The following SEC22C variants were observed in gnomAD, a reference collection of about 807,000 sequenced individuals.
SEC22C encodes the protein SEC22 homolog C, vesicle trafficking protein, also known as vesicle-trafficking protein SEC22c.
SEC22C carries 29 observed loss-of-function variants against 34.7 expected under a neutral mutation model. The ratio of observed to expected loss-of-function variants is 0.84; its 90% CI spans 0.62 to 1.14. The LOEUF (loss-of-function observed/expected upper bound fraction) is 1.14. SEC22C is among the 50% of genes most tolerant of loss of function. The pLI is 0.00. For missense variants in SEC22C, 337 were observed against 369.0 expected (o/e 0.91, Z 0.71); for synonymous variants, 117 against 132.8 (o/e 0.88, Z 0.82).
chr3:42,570,770 CGTAA>C (rs1316583506), intron 1 of SEC22C, among the ~76,000 whole-genome samples: 3 of 152,168 alleles, frequency 2.0e-5, no homozygotes, highest in South Asian at 2.1e-4. Context: ...TCTATACTTT[CGTAA>C]GTATTTGAAA....
Position 42,549,875 on chromosome 3 carries a change from A to G in SEC22C, c.*3373T>C, listed in dbSNP as rs1577279368. On this transcript the variant is annotated 3_prime_UTR_variant, in exon 7 of 7. Coordinates refer to ENST00000264454, the MANE Select transcript of SEC22C (RefSeq NM_032970.4). ...CAGAGTTCACAGAAAAGAGGGATGC[A>G]AGCCCAAAAAGCAAAAGCAGGAGCT... 1.6e-5 allele frequency: 16 copies of G among 985,478 alleles called. No homozygotes were observed. The highest frequency in any genetic ancestry group is 1.9e-5 in the Non-Finnish European group (16 of 829,952). The allele number at this position is 985,478 out of a possible 1,614,324, so 61.0% of individuals were successfully genotyped here. A position where few individuals can be genotyped will look rare whatever the true frequency, so the allele number is the denominator to read the frequency against.
intron 4 of SEC22C, among the ~76,000 whole-genome samples, chr3:42,558,800 AT>A (rs1325461898): frequency 6.0e-5 from 9 of 151,162 alleles, no homozygotes; most frequent in Non-Finnish European, 1.3e-4. Flanking sequence ...TCAAAAAAAA[AT>A]TAAATAAGTA....
Position 42,550,650 on chromosome 3 carries a change from T to C in SEC22C, c.*2598A>G. 2 of 985,260 alleles carry C rather than the reference T, an allele frequency of 2.0e-6. No individual in the cohort carries two copies. The highest frequency in any genetic ancestry group is 2.4e-6 in the Non-Finnish European group (2 of 829,904). The allele number at this position is 985,260 out of a possible 1,614,324, so 61.0% of individuals were successfully genotyped here. ...CACCCCATGTAGATGTTAACTGATA[T>C]CCACACATTCGACCTGGTGTGGATA... is the stretch of plus-strand genomic sequence containing the variant. On this transcript the variant is annotated 3_prime_UTR_variant, in exon 7 of 7. Transcript: ENST00000264454.
At chr3:42,592,334 G>C (rs1388987716) in intron 1 of SEC22C, among the ~76,000 whole-genome samples, 1 of 151,982 alleles carries the variant, frequency 6.6e-6, no homozygotes, top group African/African-American at 2.4e-5. Flanking sequence ...TGAGTAGCTG[G>C]GACTACAGGC....
intron 1 of SEC22C, chr3:42,594,580 A>G (rs1704972963): frequency 1.0e-5 from 14 of 1,344,758 alleles, no homozygotes; most frequent in Admixed American, 5.2e-5. Flanking sequence ...TCCATCTCTT[A>G]CAAAATGGAG....
intron 3 of SEC22C, among the ~76,000 whole-genome samples, chr3:42,563,233 A>G (rs1273607759): frequency 6.6e-6 from 1 of 152,236 alleles, no homozygotes; most frequent in Non-Finnish European, 1.5e-5. Context: ...CCTATGGGCC[A>G]TCATTTGCTG....
At chr3:42,557,533 T>G in intron 5 of SEC22C, 45 bp downstream of exon 5, 4 of 891,748 alleles carry the variant, frequency 4.5e-6, no homozygotes, top group Non-Finnish European at 5.3e-6. Context: ...TCTTCTATCA[T>G]ATGTCCTTCA....
At chr3:42,563,306 C>T (rs114507287) in intron 3 of SEC22C, among the ~76,000 whole-genome samples, 3,523 of 152,334 alleles carry the variant, frequency 0.023, 64 homozygotes, top group African/African-American at 0.047. Context: ...CACCCTGCCC[C>T]CAGGCTCTGT....
Position 42,549,134 on chromosome 3 carries a change from C to T in SEC22C, c.*4114G>A. ...GGGCACAGCTACACTCTTTCTCCACCATTATTAACACTCACAGGGCACAGG... is the reference window on the plus strand; with the variant it reads ...GGGCACAGCTACACTCTTTCTCCACTATTATTAACACTCACAGGGCACAGG... On this transcript the variant is annotated 3_prime_UTR_variant, in exon 7 of 7. Coordinates refer to ENST00000264454, the MANE Select transcript of SEC22C (RefSeq NM_032970.4). 1.0e-6 allele frequency: 1 copy of T among 992,072 alleles called. No homozygotes were observed. The highest frequency in any genetic ancestry group is 1.7e-5 in the African/African-American group (1 of 57,666). 61.5% of individuals were successfully genotyped at this position (992,072 alleles called of 1,614,324 possible). A position where few individuals can be genotyped will look rare whatever the true frequency, so the allele number is the denominator to read the frequency against.
intron 2 of SEC22C, chr3:42,564,111 T>C: frequency 5.3e-6 from 2 of 377,380 alleles, no homozygotes; most frequent in South Asian, 2.5e-5. Flanking sequence ...AACTGCTGGA[T>C]TTAGTTTGCT....
At position 42,561,273 on chromosome 3, in the gene SEC22C, A is replaced by G. The variant is rs139185801; in HGVS notation, c.370T>C (p.Trp124Arg). The G allele has an allele frequency of 2.5e-6, 4 of 1,614,100 alleles. No homozygotes were observed. Among genetic ancestry groups the G allele is most frequent in the African/African-American group, 2.7e-5 (2 of 74,932 alleles). The stretch of plus-strand genomic sequence containing the variant: ...GAGGAACTTACATAGTTAAAATGCC[A>G]CTTCACTTTCTGAATGATGCTGTCT... The part of the protein sequence containing the change: ...EFDSIIQKVK[W>R]HFNYVSSSQM... The change falls in exon 4 of 7, where the codon TGG becomes CGG. Residue 124 changes from tryptophan (W) to arginine (R), a missense_variant. By Grantham distance (101) the Trp-to-Arg change is moderately radical (BLOSUM62 -3). Transcript: ENST00000264454.
At position 42,553,392 on chromosome 3, in the gene SEC22C, C is replaced by G; in HGVS notation, c.768G>C (p.Leu256=). 1.2e-6 allele frequency: 2 copies of G among 1,614,140 alleles called. No individual in the cohort carries two copies. The highest frequency in any genetic ancestry group is 1.7e-6 in the Non-Finnish European group (2 of 1,180,034). Residue 256 remains leucine (L), a synonymous_variant, in exon 7 of 7, where the codon CTG becomes CTC. Transcript: ENST00000264454. ...PARTMKVVLM[L]LFICLGNMYL... Reference sequence around the variant, plus strand: ...ACATGTTGCCCAGGCAAATAAAGAGCAGCATAAGCACCACCTTCATAGTCC... The same window carrying G: ...ACATGTTGCCCAGGCAAATAAAGAGGAGCATAAGCACCACCTTCATAGTCC...
At chr3:42,591,136 A>G (rs1704820053) in intron 1 of SEC22C, 2 of 703,136 alleles carry the variant, frequency 2.8e-6, no homozygotes, top group Admixed American at 4.5e-5. Flanking sequence ...GCGCCGGGGC[A>G]GGACCCCGGC....
At chr3:42,563,724 A>G (rs1703064571) in intron 2 of SEC22C, 38 bp from the exon 3 acceptor site, 3 of 1,612,276 alleles carry the variant, frequency 1.9e-6, no homozygotes, top group Non-Finnish European at 2.5e-6. Context: ...ACCAGGAAAC[A>G]GCCCCATGTA....
chr3:42,579,681 T>C (rs185951451), intron 1 of SEC22C: 1,815 of 151,556 alleles, frequency 0.012, 57 homozygotes, highest in Non-Finnish European at 0.011. Flanking sequence ...AGCTTCAGAA[T>C]GTTCATACAA....
At chr3:42,591,699 C>A in intron 1 of SEC22C, 16 of 857,458 alleles carry the variant, frequency 1.9e-5, no homozygotes, top group Non-Finnish European at 2.0e-6. Flanking sequence ...TGATTGATCG[C>A]AGTTAAGCCC....
At chr3:42,564,952 C>T (rs957821767) in intron 2 of SEC22C, among the ~76,000 whole-genome samples, 3 of 152,050 alleles carry the variant, frequency 2.0e-5, no homozygotes, top group Admixed American at 6.5e-5. Flanking sequence ...AGATGGGGGT[C>T]TCTCTATGTT....
At position 42,599,247 on chromosome 3, in the gene SEC22C, G is replaced by A. The variant is rs528250088; in HGVS notation, c.-28+1713C>T. ...CCCAAAGTGCTGGGATTACAGGCAT[G>A]AGCCACCACGCCCGCCCATGTAATG... On this transcript the variant is annotated intron_variant, in intron 1 of 6. Coordinates refer to the SEC22C transcript ENST00000417572. 8.0e-5 allele frequency among the ~76,000 whole-genome samples: 12 copies of A among 150,108 alleles called. No homozygotes were observed. The South Asian group carries it at 2.6e-3, about 32-fold the overall frequency.
upstream of SEC22C, among the ~76,000 whole-genome samples, chr3:42,582,558 C>G (rs2125732991): frequency 6.6e-6 from 1 of 152,360 alleles, no homozygotes; most frequent in Non-Finnish European, 1.5e-5. Context: ...TATTGAGCAC[C>G]TGCTATGTGC....
Sources: allele counts gnomAD v4.1 joint callset (sites outside exome capture counted in the v4.1 genomes callset), GRCh38; gene constraint gnomAD v4.1.1; transcripts MANE v1.5; gene names NCBI Gene and HGNC (gene_info 2026-07-23, HGNC 2026-07-21).